The following STMN4 variants were observed in gnomAD, a reference collection of about 807,000 sequenced individuals.
STMN4 encodes stathmin-4.
In STMN4, 12 loss-of-function variants were observed where a neutral mutation model predicts 29.1. The ratio of observed to expected loss-of-function variants is 0.41; its 90% CI spans 0.26 to 0.67. The LOEUF is 0.67. STMN4 is among the 30% of genes least tolerant of loss of function. The pLI is 0.30. For missense variants in STMN4, 181 were observed against 262.8 expected, an observed-to-expected ratio of 0.69 and a Z score of 2.15; for synonymous variants, 114 against 105.3, an observed-to-expected ratio of 1.08 and a Z score of -0.51.
At chr8:27,239,265 C>T (rs895644976) in intron 6 of STMN4, 12 of 1,535,536 alleles carry the variant, frequency 7.8e-6, no homozygotes, top group Admixed American at 2.0e-5. Flanking sequence ...GGAGTCACCG[C>T]GCAGCAGGCG....
At chr8:27,244,088 A>G (rs953117102) in intron 1 of STMN4, among the ~76,000 whole-genome samples, 2 of 152,306 alleles carry the variant, frequency 1.3e-5, no homozygotes, top group Non-Finnish European at 2.9e-5. Flanking sequence ...GTATGGATCA[A>G]GGGGTGCTCA....
At chr8:27,244,803 G>C (rs1209833283) in intron 1 of STMN4, among the ~76,000 whole-genome samples, 1 of 152,170 alleles carries the variant, frequency 6.6e-6, no homozygotes, top group Non-Finnish European at 1.5e-5. Flanking sequence ...AGATCTGGGA[G>C]GATCAGAGGG....
chr8:27,247,956 G>A (rs865986477), intron 1 of STMN4, among the ~76,000 whole-genome samples: 12 of 152,174 alleles, frequency 7.9e-5, no homozygotes, highest in African/African-American at 2.4e-4. Flanking sequence ...TGCCCCTAAG[G>A]AAGACCAGGA....
intron 2 of STMN4, 122 bp from the exon 3 acceptor site, chr8:27,242,614 C>A: frequency 1.1e-6 from 1 of 884,438 alleles, no homozygotes; most frequent in South Asian, 1.6e-5. Context: ...CACGCAGGCA[C>A]ACGCCAAGCC....
chr8:27,255,190 A>C (rs1172752127), intron 1 of STMN4, among the ~76,000 whole-genome samples: 1 of 152,214 alleles, frequency 6.6e-6, no homozygotes, highest in Non-Finnish European at 1.5e-5. Context: ...TAATTTAATA[A>C]GCAAATCGAA....
intron 6 of STMN4, chr8:27,239,187 G>C (rs1801394058): frequency 2.0e-6 from 3 of 1,530,938 alleles, no homozygotes; most frequent in Non-Finnish European, 2.6e-6. Flanking sequence ...TGAGACTCTA[G>C]GTGGATGGGC....
intron 6 of STMN4, among the ~76,000 whole-genome samples, chr8:27,237,526 A>G (rs1328182504): frequency 6.6e-6 from 1 of 152,206 alleles, no homozygotes; most frequent in African/African-American, 2.4e-5. Flanking sequence ...ACGTGCTGGG[A>G]TTACAGATGT....
At chr8:27,239,417 G>T in intron 6 of STMN4, 1 of 925,258 alleles carries the variant, frequency 1.1e-6, no homozygotes, top group Non-Finnish European at 1.6e-6. Flanking sequence ...ACCAACCCCG[G>T]CCTCATGTTT....
intron 1 of STMN4, among the ~76,000 whole-genome samples, chr8:27,252,859 A>G (rs781575024): frequency 3.3e-5 from 5 of 152,218 alleles, no homozygotes; most frequent in Non-Finnish European, 5.9e-5. Context: ...CAAATACCCC[A>G]TATCAGCCTC....
At chr8:27,256,284 A>C (rs753089546) in intron 1 of STMN4, among the ~76,000 whole-genome samples, 17 of 152,184 alleles carry the variant, frequency 1.1e-4, no homozygotes, top group Non-Finnish European at 2.1e-4. Flanking sequence ...TGAAGATTGC[A>C]TGCACAGCAA....
In STMN4 at chr8:27,240,155, T is replaced by C. The variant is rs200017679; in HGVS notation, c.407A>G (p.Glu136Gly). ...TGCTAGGTGTTTCAGGAGCTCCGCTTCCTGGTACTGGGGAAGCATAAAGGC... is the reference window on the plus strand; with the variant it reads ...TGCTAGGTGTTTCAGGAGCTCCGCTCCCTGGTACTGGGGAAGCATAAAGGC... ...EAAEERRKYQ[E>G]AELLKHLAEK... Residue 136 changes from glutamate (E) to glycine (G), a missense_variant, in exon 6 of 7, where the codon GAA (glutamate) becomes GGA (glycine). By Grantham distance (98) the Glu-to-Gly change is moderately conservative. Coordinates refer to ENST00000350889, the MANE Select transcript of STMN4 (RefSeq NM_030795.4). The C allele has an allele frequency of 3.7e-6, 6 of 1,613,646 alleles. No individual in the cohort carries two copies. The highest frequency in any genetic ancestry group is 5.1e-6 in the Non-Finnish European group (6 of 1,179,784).
chr8:27,254,206 G>A (rs768944421), intron 1 of STMN4, among the ~76,000 whole-genome samples: 2 of 152,162 alleles, frequency 1.3e-5, no homozygotes, highest in Non-Finnish European at 2.9e-5. Flanking sequence ...TGCCTGAAAG[G>A]TGCTACTCCC....
In STMN4 at chr8:27,239,254, G is replaced by T. The variant is rs1009588178; in HGVS notation, c.591+717C>A. 11 of 1,535,518 alleles carry T rather than the reference G, an allele frequency of 7.2e-6. No homozygotes were observed. In the African/African-American group the frequency reaches 1.2e-4, roughly 17 times the overall value. Reference sequence around the variant, plus strand: ...GGGACGAGGCCACCGATCAGGTCCCGGGAGTCACCGCGCAGCAGGCGGTTC... The same window carrying T: ...GGGACGAGGCCACCGATCAGGTCCCTGGAGTCACCGCGCAGCAGGCGGTTC... On this transcript the variant is annotated intron_variant, in intron 6 of 6. Transcript: ENST00000350889.
chr8:27,241,546 C>T (rs1801472311), intron 4 of STMN4, 131 bp downstream of exon 4: 2 of 1,177,768 alleles, frequency 1.7e-6, no homozygotes, highest in South Asian at 2.8e-5. Context: ...CCACCAGCCT[C>T]CTCTGACTGC....
At chr8:27,237,860 A>G (rs190731893) in intron 6 of STMN4, among the ~76,000 whole-genome samples, 11 of 152,304 alleles carry the variant, frequency 7.2e-5, no homozygotes, top group Non-Finnish European at 1.5e-4. Context: ...ACAGTTCTCT[A>G]TTAGACGGTG....
intron 5 of STMN4, among the ~76,000 whole-genome samples, 192 bp downstream of exon 5, chr8:27,240,862 G>A (rs1025510804): frequency 6.6e-6 from 1 of 152,196 alleles, no homozygotes; most frequent in Non-Finnish European, 1.5e-5. Flanking sequence ...ACTGTGAGCT[G>A]CAAGAGGCCA....
At chr8:27,254,510 G>T (rs1330994012) in intron 1 of STMN4, among the ~76,000 whole-genome samples, 1 of 152,210 alleles carries the variant, frequency 6.6e-6, no homozygotes, top group Non-Finnish European at 1.5e-5. Flanking sequence ...CAGGACCCTA[G>T]GGGAGTGGAC....
intron 1 of STMN4, among the ~76,000 whole-genome samples, chr8:27,252,968 T>C (rs11778890): frequency 0.062 from 9,379 of 152,306 alleles, 405 homozygotes; most frequent in Non-Finnish European, 0.09. Flanking sequence ...TGCACACAAC[T>C]GACCTATCAA....
chr8:27,237,168 G>A lies in STMN4; in HGVS notation c.592-263C>T, dbSNP rs116094016. ...CAGGGGCCCACCTTACAGTGACCAT[G>A]GGCCACGCAGCCTCCCCCTCCCTCA... On this transcript the variant is annotated intron_variant, in intron 6 of 6. Transcript: ENST00000350889. Among the ~76,000 whole-genome samples the A allele has an allele frequency of 3.1e-3, 469 of 152,244 alleles. 4 individuals are homozygous for A. The highest frequency in any genetic ancestry group is 0.011 in the African/African-American group (451 of 41,552).
Sources: gnomAD v4.1 joint callset for allele counts (sites outside exome capture counted in the v4.1 genomes callset) on GRCh38, gnomAD v4.1.1 for gene constraint, MANE v1.5 for transcripts, NCBI Gene and HGNC (gene_info 2026-07-23, HGNC 2026-07-21) for gene names.